Variants in MOB4 observed in about 807,000 individuals in gnomAD.
MOB4 encodes MOB-like protein phocein.
MOB4 carries 4 observed loss-of-function variants against 32.2 expected under a neutral mutation model. The ratio of observed to expected loss-of-function variants is 0.12; its 90% CI spans 0.06 to 0.28. The LOEUF (loss-of-function observed/expected upper bound fraction) is 0.28. Among genes scored for constraint, MOB4 ranks in the 10% least tolerant of loss-of-function variants. The probability of loss-of-function intolerance (pLI) is 1.00; values close to 1 mark genes in which losing one functional copy is unlikely to be tolerated. For missense variants in MOB4, 158 were observed against 271.2 expected, an observed-to-expected ratio of 0.58 and a Z score of 2.93; for synonymous variants, 88 against 88.1, an observed-to-expected ratio of 1.00 and a Z score of 0.01.
chr2:197,540,309 A>G (rs1331483085), intron 4 of MOB4, 42 bp from the exon 5 acceptor site: 5 of 1,482,576 alleles, frequency 3.4e-6, no homozygotes, highest in Non-Finnish European at 4.5e-6. Flanking sequence ...AAGCTTTTTC[A>G]TTATTATTTT....
At chr2:197,535,899 C>CT (rs1319135434) in intron 3 of MOB4, among the ~76,000 whole-genome samples, 1,585 of 129,260 alleles carry the variant, frequency 0.012, 19 homozygotes, top group African/African-American at 0.026. Flanking sequence ...CTTTTCTTTT[C>CT]TTTTTTTTTT....
At chr2:197,522,956 A>G (rs954146123) in intron 1 of MOB4, among the ~76,000 whole-genome samples, 13 of 152,044 alleles carry the variant, frequency 8.6e-5, no homozygotes, top group Non-Finnish European at 1.8e-4. Context: ...TGGAGGTTGC[A>G]GTGAGCTGAG....
chr2:197,538,522 T>C (rs143196582), intron 3 of MOB4, among the ~76,000 whole-genome samples: 129 of 152,228 alleles, frequency 8.5e-4, no homozygotes, highest in African/African-American at 3.1e-3. Flanking sequence ...TCCCACTAGC[T>C]CATATTGAGT....
intron 1 of MOB4, among the ~76,000 whole-genome samples, chr2:197,522,311 A>G (rs1325739266): frequency 7.3e-6 from 1 of 136,122 alleles, no homozygotes; most frequent in Non-Finnish European, 1.6e-5. Flanking sequence ...TTTTGTACCC[A>G]TGGGTGATTA....
chr2:197,535,887 T>C (rs1482208793), intron 3 of MOB4, among the ~76,000 whole-genome samples: 5 of 151,080 alleles, frequency 3.3e-5, no homozygotes, highest in East Asian at 1.9e-4. Flanking sequence ...TGCACCTCTC[T>C]TCTTTTCTTT....
chr2:197,523,779 C>CTGCT (rs1226064180), intron 2 of MOB4, 93 bp downstream of exon 2: 2 of 1,193,304 alleles, frequency 1.7e-6, no homozygotes, highest in Non-Finnish European at 2.3e-6. Context: ...CACTGTGCAG[C>CTGCT]AGTCTGCTTC....
intron 1 of MOB4, among the ~76,000 whole-genome samples, chr2:197,517,075 T>A (rs763878418): frequency 6.6e-6 from 1 of 152,174 alleles, no homozygotes; most frequent in Non-Finnish European, 1.5e-5. Flanking sequence ...TGATTGTATG[T>A]CTGAGAATAG....
At chr2:197,549,386 T>G (rs1212612058) in intron 6 of MOB4, among the ~76,000 whole-genome samples, 1 of 152,108 alleles carries the variant, frequency 6.6e-6, no homozygotes, top group Non-Finnish European at 1.5e-5. Flanking sequence ...GTGGATAGAT[T>G]TGGAGATTTC....
chr2:197,540,031 A>C, intron 3 of MOB4, 80 bp from the exon 4 acceptor site: 1 of 1,468,414 alleles, frequency 6.8e-7, no homozygotes, highest in African/African-American at 1.4e-5. Flanking sequence ...TACTGATGGG[A>C]TTCTCTTTTT....
At chr2:197,515,917 C>G (rs1394743750), upstream of MOB4, 25 of 633,946 alleles carry the variant, frequency 3.9e-5, no homozygotes, top group East Asian at 8.4e-4. Flanking sequence ...CGTTCGCCCT[C>G]TCCCTCCGCC....
At chr2:197,546,971 C>CGT (rs1283301242) in intron 5 of MOB4, among the ~76,000 whole-genome samples, 1 of 152,000 alleles carries the variant, frequency 6.6e-6, no homozygotes, top group Non-Finnish European at 1.5e-5. Flanking sequence ...AGGGGCTGGG[C>CGT]GTGATGGCTT....
chr2:197,522,969 C>T (rs910377605), intron 1 of MOB4, among the ~76,000 whole-genome samples: 6 of 151,940 alleles, frequency 3.9e-5, no homozygotes, highest in Non-Finnish European at 7.4e-5. Flanking sequence ...GAGCTGAGAT[C>T]GCACCACTGC....
intron 1 of MOB4, chr2:197,516,802 G>A: frequency 4.4e-6 from 2 of 458,548 alleles, no homozygotes; most frequent in Non-Finnish European, 9.2e-6. Context: ...AGAATGAACT[G>A]ATTATAATTT....
chr2:197,542,101 A>G (rs1470939761), intron 5 of MOB4, among the ~76,000 whole-genome samples: 2 of 152,220 alleles, frequency 1.3e-5, no homozygotes, highest in Non-Finnish European at 1.5e-5. Context: ...TTTGGCAAAT[A>G]GTAATGATGT....
intron 6 of MOB4, among the ~76,000 whole-genome samples, chr2:197,549,933 T>C (rs1455015070): frequency 6.6e-6 from 1 of 152,032 alleles, no homozygotes; most frequent in Non-Finnish European, 1.5e-5. Flanking sequence ...ATAATTCCTT[T>C]CAGGAGTTTT....
At position 197,540,259 on chromosome 2, in the gene MOB4, C is replaced by A. The variant is rs191724444; in HGVS notation, c.268-92C>A. 9.8e-5 allele frequency: 146 copies of A among 1,483,278 alleles called. 1 individual carries two copies. In the East Asian group the frequency reaches 3.2e-3, roughly 32 times the overall value. 91.9% of individuals were successfully genotyped at this position (1,483,278 alleles called of 1,614,324 possible). ...AAAACGTATCCACATTTCTAACTTT[C>A]TTCTAGAATTTATTATGGAAATATA... On this transcript the variant is annotated intron_variant, in intron 4 of 7. Transcript: ENST00000323303.
chr2:197,545,428 T>G (rs1258810846), intron 5 of MOB4, among the ~76,000 whole-genome samples: 1 of 152,206 alleles, frequency 6.6e-6, no homozygotes, highest in Non-Finnish European at 1.5e-5. Context: ...TTATGGGGTT[T>G]TAAAGTGTAG....
intron 2 of MOB4, among the ~76,000 whole-genome samples, chr2:197,525,677 T>C (rs1371519071): frequency 6.9e-6 from 1 of 144,886 alleles, no homozygotes; most frequent in African/African-American, 2.6e-5. Context: ...ATTGCACCAC[T>C]GCACTCCAGG....
At chr2:197,516,769 T>C (rs1178666871) in intron 1 of MOB4, 1 of 471,156 alleles carries the variant, frequency 2.1e-6, no homozygotes, top group East Asian at 7.0e-5. Context: ...CATTCCTTGC[T>C]AATATGCGTG....
Sources: gnomAD v4.1 joint callset for allele counts (sites outside exome capture counted in the v4.1 genomes callset) on GRCh38, gnomAD v4.1.1 for gene constraint, MANE v1.5 for transcripts, NCBI Gene and HGNC (gene_info 2026-07-23, HGNC 2026-07-21) for gene names.